Variants in POLRMT observed in about 807,000 individuals in gnomAD.
The protein encoded by POLRMT is DNA-directed RNA polymerase, mitochondrial.
Under a neutral mutation model 132.2 loss-of-function variants are expected in POLRMT, and 114 were observed. The observed-to-expected ratio is 0.86, with a 90% CI of 0.74 to 1.01. POLRMT has a LOEUF of 1.01. Among genes scored for constraint, POLRMT ranks in the 50% least tolerant of loss-of-function variants. The pLI is 0.00. For missense variants in POLRMT, 2,003 were observed against 1,729.1 expected, an observed-to-expected ratio of 1.16 and a Z score of -2.81; for synonymous variants, 1,020 against 773.4, an observed-to-expected ratio of 1.32 and a Z score of -5.29.
Position 624,809 on chromosome 19 carries a change from G to T in POLRMT, c.1050C>A (p.Ala350=). The T allele has an allele frequency of 1.2e-6, 2 of 1,613,464 alleles. No individual in the cohort carries two copies. The highest frequency in any genetic ancestry group is 1.7e-6 in the Non-Finnish European group (2 of 1,180,004). Residue 350 remains alanine, a synonymous_variant, in exon 5 of 21, where the codon GCC becomes GCA. Coordinates refer to ENST00000588649, the MANE Select transcript of POLRMT (RefSeq NM_005035.4). ...SEEDRATVLK[A]VHKVKPTFSL... ...TGAAGGTGGGCTTCACCTTGTGCAC[G>T]GCCTTCAGAACAGTGGCCCGATCCT...
Position 623,162 on chromosome 19 carries a change from A to G in POLRMT, c.1291-177T>C, listed in dbSNP as rs535362202. ...CTGCCGGCTTCAGCGTGCCTGACGC[A>G]GCCAAGAGCAAAAGCCCAGCTGCAG... On this transcript the variant is annotated intron_variant, in intron 6 of 20. Coordinates refer to ENST00000588649, the MANE Select transcript of POLRMT (RefSeq NM_005035.4). Among the ~76,000 whole-genome samples, 12 of 152,314 alleles carry G rather than the reference A, an allele frequency of 7.9e-5. 1 individual carries two copies. Among genetic ancestry groups the G allele is most frequent in the Middle Eastern group, 6.8e-3 (2 of 294 alleles).
In POLRMT at chr19:624,828, C is replaced by T. The variant is rs758824852; in HGVS notation, c.1031G>A (p.Arg344Gln). 6.2e-6 allele frequency: 10 copies of T among 1,613,292 alleles called. No individual in the cohort carries two copies. The highest frequency in any genetic ancestry group is 4.4e-5 in the South Asian group (4 of 91,092). The change falls in exon 5 of 21, where the codon CGG (arginine) becomes CAG (glutamine). Residue 344 changes from arginine to glutamine, a missense_variant. Coordinates refer to ENST00000588649, the MANE Select transcript of POLRMT (RefSeq NM_005035.4). ...GTGCACGGCCTTCAGAACAGTGGCCCGATCCTCCTCAGACAGCAGAACGGC... is the reference window on the plus strand; with the variant it reads ...GTGCACGGCCTTCAGAACAGTGGCCTGATCCTCCTCAGACAGCAGAACGGC... ...FTAVLLSEED[R>Q]ATVLKAVHKV...
At chr19:629,472 G>T in intron 3 of POLRMT, 68 bp downstream of exon 3, 2 of 1,417,944 alleles carry the variant, frequency 1.4e-6, no homozygotes, top group Non-Finnish European at 1.9e-6. Flanking sequence ...GAAAAGTCCA[G>T]TCTAAATGAG....
At chr19:628,786 C>T (rs1239030144) in intron 3 of POLRMT, among the ~76,000 whole-genome samples, 1 of 152,062 alleles carries the variant, frequency 6.6e-6, no homozygotes, top group African/African-American at 2.4e-5. Flanking sequence ...GGGCAGATCA[C>T]GAGGTCAGGA....
chr19:618,616 G>A (rs375394219), intron 16 of POLRMT, 30 bp from the exon 17 acceptor site: 102 of 1,600,096 alleles, frequency 6.4e-5, no homozygotes, highest in Middle Eastern at 3.3e-4. Context: ...CGGTGGGGGC[G>A]GCCCAGGGAC....
chr19:623,017 G>A (rs772049990), intron 6 of POLRMT, 32 bp from the exon 7 acceptor site: 23 of 1,602,612 alleles, frequency 1.4e-5, no homozygotes, highest in South Asian at 2.2e-5. Flanking sequence ...GGTGAGCCCC[G>A]TGGCAGCTGG....
chr19:630,685 C>A (rs1041368358), intron 2 of POLRMT, among the ~76,000 whole-genome samples: 1 of 152,130 alleles, frequency 6.6e-6, no homozygotes, highest in Non-Finnish European at 1.5e-5. Flanking sequence ...TCAGCAAGAC[C>A]CCCCCAGCTG....
In POLRMT at chr19:621,057, C is replaced by T; in HGVS notation, c.2640+1G>A. The T allele has an allele frequency of 1.3e-6, 2 of 1,589,078 alleles. No individual in the cohort carries two copies. The highest frequency in any genetic ancestry group is 1.7e-6 in the Non-Finnish European group (2 of 1,171,916). On this transcript the variant is annotated splice_donor_variant, in intron 10 of 20. Transcript: ENST00000588649. LOFTEE classifies it high-confidence loss of function. ...GGGGAATGCGGGGGCCCCGCCCCTA[C>T]CGTCAAGGGTTGGTCCGCGGAGTCC...
Position 625,114 on chromosome 19 carries a change from C to T in POLRMT, c.953+10G>A, listed in dbSNP as rs1217980755. 3 of 1,610,580 alleles carry T rather than the reference C, an allele frequency of 1.9e-6. No individual in the cohort carries two copies. The highest frequency in any genetic ancestry group is 2.5e-6 in the Non-Finnish European group (3 of 1,178,548). On this transcript the variant is annotated intron_variant, in intron 4 of 20. Transcript: ENST00000588649. ...TGGTGGGGGGTGGGGGCCCTCCCGA[C>T]ACCACCTACCTTTCGATGGTCCCGG...
rs867148197 is a variant in POLRMT, at chr19:625,240, C to T, written c.837G>A (p.Glu279=). ...LGWARQGAFK[E]LVYVLFMVKD... ...TCACCATGAATAACACATATACCAG[C>T]TCCTTGAAGGCACCCTGGGAGACCA... The change falls in exon 4 of 21, where the codon GAG becomes GAA. Residue 279 remains glutamate, a synonymous_variant. Coordinates refer to ENST00000588649, the MANE Select transcript of POLRMT (RefSeq NM_005035.4). 6.2e-7 allele frequency: 1 copy of T among 1,613,980 alleles called. No individual in the cohort carries two copies.
intron 10 of POLRMT, among the ~76,000 whole-genome samples, chr19:620,751 C>G (rs953756776): frequency 2.0e-5 from 2 of 99,974 alleles, no homozygotes; most frequent in Non-Finnish European, 4.1e-5. Flanking sequence ...GACCTGGGGG[C>G]GCCGGGGGAG....
rs1984362906 is a variant in POLRMT, at chr19:619,822, C to T, written c.2887-57G>A. On this transcript the variant is annotated intron_variant, in intron 12 of 20. Coordinates refer to ENST00000588649, the MANE Select transcript of POLRMT (RefSeq NM_005035.4). ...AGCCCCGCTAGCAGCCCAGGGGCCA[C>T]CAAGCACCCATGAAGCCCCCGCCCC... is the stretch of plus-strand genomic sequence containing the variant. The T allele has an allele frequency of 3.2e-6, 5 of 1,550,018 alleles. No homozygotes were observed. The Admixed American group carries it at 7.5e-5, about 23-fold the overall frequency.
chr19:625,481 C>T (rs1313688148), intron 3 of POLRMT: 6 of 514,428 alleles, frequency 1.2e-5, no homozygotes, highest in South Asian at 3.1e-5. Flanking sequence ...GGGAGGTTCA[C>T]GTTCCTCTGG....
intron 15 of POLRMT, 90 bp downstream of exon 15, chr19:618,907 G>A: frequency 1.5e-6 from 2 of 1,352,662 alleles, no homozygotes; most frequent in Non-Finnish European, 2.0e-6. Flanking sequence ...GTGGTACACT[G>A]GGGTGGTGGT....
chr19:617,312 G>C lies in POLRMT; in HGVS notation c.3655C>G (p.Leu1219Val). Reference protein sequence around the residue: ...QAVPKPGAFDLEQVKRSTYFF... With the variant: ...QAVPKPGAFDVEQVKRSTYFF... ...TAGGTGGAACGCTTCACCTGCTCCA[G>C]GTCGAAGGCCCCTGCGGAGGAAGCA... The change falls in exon 21 of 21, where the codon CTG (leucine) becomes GTG (valine). Residue 1219 changes from leucine (L) to valine (V), a missense_variant. Leu to Val is a conservative substitution (Grantham distance 32, BLOSUM62 1). Transcript: ENST00000588649. The C allele has an allele frequency of 6.2e-7, 1 of 1,612,948 alleles. No individual in the cohort carries two copies. Among genetic ancestry groups the C allele is most frequent in the Admixed American group, 1.7e-5 (1 of 60,024 alleles).
intron 17 of POLRMT, 137 bp from the exon 18 acceptor site, chr19:617,986 TCGCCC>T: frequency 3.4e-6 from 2 of 583,764 alleles, no homozygotes; most frequent in East Asian, 3.1e-5. Context: ...GCCCCACCCC[TCGCCC>T]CGCCCCTCCC....
At chr19:620,166 C>T in intron 11 of POLRMT, 86 bp from the exon 12 acceptor site, 1 of 1,509,012 alleles carries the variant, frequency 6.6e-7, no homozygotes, top group Non-Finnish European at 8.9e-7. Context: ...TCGAGCCGTT[C>T]CTAGGGCCGT....
At chr19:620,199 G>A (rs993610224) in intron 11 of POLRMT, 119 bp from the exon 12 acceptor site, 9 of 1,476,022 alleles carry the variant, frequency 6.1e-6, no homozygotes, top group East Asian at 5.0e-5. Flanking sequence ...CAAGTGCACC[G>A]GAGCCCCCGC....
At chr19:632,380 C>T (rs1422138144) in intron 2 of POLRMT, among the ~76,000 whole-genome samples, 1 of 152,216 alleles carries the variant, frequency 6.6e-6, no homozygotes, top group Non-Finnish European at 1.5e-5. Flanking sequence ...CAGGCCAGGA[C>T]GAGGGCCTGC....
Sources: gnomAD v4.1 joint callset for allele counts (sites outside exome capture counted in the v4.1 genomes callset) on GRCh38, gnomAD v4.1.1 for gene constraint, MANE v1.5 for transcripts, NCBI Gene and HGNC (gene_info 2026-07-23, HGNC 2026-07-21) for gene names.